Variants in TMEM177 observed in about 807,000 individuals in gnomAD.
The protein encoded by TMEM177 is transmembrane protein 177.
A neutral mutation model predicts 14.2 loss-of-function variants in TMEM177; 4 were observed. The observed-to-expected ratio is 0.28, with a 90% CI of 0.14 to 0.64. The LOEUF (loss-of-function observed/expected upper bound fraction) is 0.64, where lower values mean the gene tolerates loss of function less well. TMEM177 is among the 30% of genes least tolerant of loss of function. TMEM177 has a pLI of 0.82. For missense variants in TMEM177, 344 were observed against 405.2 expected (o/e 0.85, Z 1.30); for synonymous variants, 179 against 174.5 (o/e 1.03, Z -0.20).
chr2:119,692,664 C>G, the TMEM177 span, among the ~76,000 whole-genome samples: 1 of 152,228 alleles, frequency 6.6e-6, no homozygotes, highest in Non-Finnish European at 1.5e-5. Context: ...ATTCAGCCAC[C>G]ATGAATCCTT....
the TMEM177 span, chr2:119,698,854 A>G: frequency 0.026 from 4,006 of 152,404 alleles, 56 homozygotes; most frequent in Non-Finnish European, 0.032. Context: ...ACAATTAGCC[A>G]GGCGTGGTGG....
downstream of TMEM177, among the ~76,000 whole-genome samples, chr2:119,684,071 C>A (rs1688967367): frequency 6.6e-6 from 1 of 152,240 alleles, no homozygotes; most frequent in South Asian, 2.1e-4. Flanking sequence ...GGGTGACTCT[C>A]CTGCCTAAAG....
chr2:119,691,116 A>C (rs1288482551), downstream of TMEM177, among the ~76,000 whole-genome samples: 7 of 152,154 alleles, frequency 4.6e-5, no homozygotes. Flanking sequence ...CCTGGAGTCC[A>C]CTGAGGTGCC....
At chr2:119,717,187 G>T in the TMEM177 span, among the ~76,000 whole-genome samples, 1 of 152,144 alleles carries the variant, frequency 6.6e-6, no homozygotes, top group African/African-American at 2.4e-5. Flanking sequence ...AATTTGGGGA[G>T]CCCAGTACAA....
the TMEM177 span, among the ~76,000 whole-genome samples, chr2:119,710,837 C>T: frequency 1.3e-5 from 2 of 151,866 alleles, no homozygotes; most frequent in African/African-American, 4.8e-5. Context: ...GTCTCGATCT[C>T]CTGACCTCAT....
chr2:119,723,236 T>C, the TMEM177 span, among the ~76,000 whole-genome samples: 2 of 152,176 alleles, frequency 1.3e-5, no homozygotes, highest in African/African-American at 4.8e-5. Context: ...AATAAATTCT[T>C]TCCCAGGCCG....
downstream of TMEM177, among the ~76,000 whole-genome samples, chr2:119,683,903 C>T (rs569177898): frequency 2.6e-5 from 4 of 151,944 alleles, no homozygotes; most frequent in African/African-American, 9.7e-5. Flanking sequence ...CGTGTCCCTT[C>T]TTCCCCCTCC....
chr2:119,689,162 C>A (rs1213817948), downstream of TMEM177, among the ~76,000 whole-genome samples: 2 of 152,212 alleles, frequency 1.3e-5, no homozygotes, highest in Non-Finnish European at 1.5e-5. Flanking sequence ...CAATATGGCT[C>A]TTACTCATGC....
At chr2:119,687,813 T>C (rs1287068468), downstream of TMEM177, among the ~76,000 whole-genome samples, 3 of 152,218 alleles carry the variant, frequency 2.0e-5, no homozygotes, top group African/African-American at 4.8e-5. Flanking sequence ...TAAATCCATG[T>C]TGTAGTAAGC....
chr2:119,697,602 A>G, the TMEM177 span, among the ~76,000 whole-genome samples: 1 of 152,144 alleles, frequency 6.6e-6, no homozygotes, highest in South Asian at 2.1e-4. Context: ...ATATTTGCAC[A>G]TGTTGTTCCC....
the TMEM177 span, among the ~76,000 whole-genome samples, chr2:119,717,082 C>T: frequency 5.9e-5 from 9 of 152,278 alleles, no homozygotes; most frequent in East Asian, 1.9e-4. Context: ...TGCCAAGATC[C>T]GATTCTTCAT....
the TMEM177 span, among the ~76,000 whole-genome samples, chr2:119,710,371 C>T: frequency 3.3e-5 from 5 of 152,164 alleles, no homozygotes; most frequent in Non-Finnish European, 5.9e-5. Context: ...CATGGATGCC[C>T]GTAAGAAGCA....
At chr2:119,682,126 G>T (rs1444059852), downstream of TMEM177, 41 of 142,022 alleles carry the variant, frequency 2.9e-4, 1 homozygote, top group South Asian at 8.5e-4. Context: ...CTTCTTGGTC[G>T]TTTTTTTTTT....
chr2:119,697,126 G>T, the TMEM177 span, among the ~76,000 whole-genome samples: 1 of 152,232 alleles, frequency 6.6e-6, no homozygotes, highest in African/African-American at 2.4e-5. Context: ...GTTCCCAGAG[G>T]TGCTGGTCAC....
chr2:119,708,136 A>G, the TMEM177 span, among the ~76,000 whole-genome samples: 2 of 152,158 alleles, frequency 1.3e-5, no homozygotes, highest in Non-Finnish European at 2.9e-5. Flanking sequence ...CCCACTGTGT[A>G]ACCAATAACC....
At chr2:119,717,279 A>T in the TMEM177 span, among the ~76,000 whole-genome samples, 1 of 151,668 alleles carries the variant, frequency 6.6e-6, no homozygotes, top group Non-Finnish European at 1.5e-5. Flanking sequence ...ACAGTGAGCC[A>T]AGATTGCACC....
chr2:119,681,523 A>G lies in TMEM177; in HGVS notation c.670A>G (p.Thr224Ala). ...VAYAFSQDSL[T>A]HAVESWLDRR... ...CTACGCCTTCTCCCAGGATTCTCTC[A>G]CTCATGCCGTGGAGTCCTGGCTGGA... Residue 224 changes from threonine (T) to alanine (A), a missense_variant, in exon 2 of 2, where the codon ACT becomes GCT. Coordinates refer to ENST00000272521, the MANE Select transcript of TMEM177 (RefSeq NM_030577.3). 1 of 1,613,902 alleles carries G rather than the reference A, an allele frequency of 6.2e-7. No individual in the cohort carries two copies. Among genetic ancestry groups the G allele is most frequent in the East Asian group, 2.2e-5 (1 of 44,850 alleles).
At chr2:119,694,051 A>G in the TMEM177 span, among the ~76,000 whole-genome samples, 2 of 39,052 alleles carry the variant, frequency 5.1e-5, no homozygotes, top group South Asian at 1.2e-3. Context: ...CACACACATC[A>G]CGCACATGCA....
downstream of TMEM177, among the ~76,000 whole-genome samples, chr2:119,685,154 C>T (rs1288287591): frequency 4.6e-5 from 7 of 151,962 alleles, no homozygotes; most frequent in Admixed American, 3.9e-4. Flanking sequence ...AAAACAGACC[C>T]AGGACTTGGC....
Sources: allele counts gnomAD v4.1 joint callset (sites outside exome capture counted in the v4.1 genomes callset), GRCh38; gene constraint gnomAD v4.1.1; transcripts MANE v1.5; gene names NCBI Gene and HGNC (gene_info 2026-07-23, HGNC 2026-07-21).